REXO2: variants seen among roughly 807,000 people sequenced by gnomAD.
REXO2 encodes the protein oligoribonuclease, mitochondrial.
Under a neutral mutation model 30.9 loss-of-function variants are expected in REXO2, and 17 were observed. The observed-to-expected ratio is 0.55, with a 90% CI of 0.38 to 0.82. The LOEUF is 0.82. Among genes scored for constraint, REXO2 ranks in the 40% least tolerant of loss-of-function variants. The pLI is 0.00. For synonymous variants in REXO2, 105 were observed against 99.6 expected (o/e 1.05, Z -0.32); for missense variants, 253 against 293.2 (o/e 0.86, Z 1.00).
At chr11:114,440,136 A>G (rs969979233) in intron 1 of REXO2, 11 of 463,656 alleles carry the variant, frequency 2.4e-5, no homozygotes, top group Middle Eastern at 3.2e-4. Flanking sequence ...AAAGGATTCA[A>G]CTCATTCAAG....
chr11:114,449,700 A>T lies in REXO2; in HGVS notation c.585-146A>T, dbSNP rs1353105158. On this transcript the variant is annotated intron_variant, in intron 6 of 6. Coordinates refer to ENST00000265881, the MANE Select transcript of REXO2 (RefSeq NM_015523.4). Reference sequence around the variant, plus strand: ...GCATTTAAAGAAAATTGCTTTTCTGAAATGTTCTACTTTTGATGATGCTAG... The same window carrying T: ...GCATTTAAAGAAAATTGCTTTTCTGTAATGTTCTACTTTTGATGATGCTAG... 3 of 701,740 alleles carry T rather than the reference A, an allele frequency of 4.3e-6. No individual in the cohort carries two copies. The African/African-American group carries it at 5.6e-5, about 13-fold the overall frequency. 43.5% of individuals were successfully genotyped at this position (701,740 alleles called of 1,614,324 possible). A position where few individuals can be genotyped will look rare whatever the true frequency, so the allele number is the denominator to read the frequency against.
intron 2 of REXO2, among the ~76,000 whole-genome samples, chr11:114,443,606 T>C (rs1946494170): frequency 6.6e-6 from 1 of 152,180 alleles, no homozygotes; most frequent in Non-Finnish European, 1.5e-5. Flanking sequence ...GGGGCCATAG[T>C]TTGCTGACCC....
chr11:114,439,837 T>G, intron 1 of REXO2, 162 bp downstream of exon 1: 1 of 813,580 alleles, frequency 1.2e-6, no homozygotes, highest in Non-Finnish European at 1.8e-6. Flanking sequence ...GAGGCAGGAG[T>G]CCTGCGGGTG....
Position 114,439,871 on chromosome 11 carries a change from G to A in REXO2, c.147+196G>A, listed in dbSNP as rs945172449. On this transcript the variant is annotated intron_variant, in intron 1 of 6. Transcript: ENST00000265881. The stretch of plus-strand genomic sequence containing the variant: ...TGTTGGGCGCCGTGCTGCGCTGTAG[G>A]GCTTCTTTCCACAAGGGAGGAGTCC... The A allele has an allele frequency of 2.1e-5, 13 of 632,370 alleles. No individual in the cohort carries two copies. In the Admixed American group the frequency reaches 3.2e-4, roughly 16 times the overall value. 39.2% of individuals were successfully genotyped at this position (632,370 alleles called of 1,614,324 possible).
chr11:114,447,153 C>T (rs887541947), intron 5 of REXO2, among the ~76,000 whole-genome samples: 11 of 152,040 alleles, frequency 7.2e-5, no homozygotes, highest in Non-Finnish European at 1.3e-4. Context: ...GTCTCGATCT[C>T]CTGACCTCGT....
chr11:114,445,840 T>C (rs1255881202), intron 4 of REXO2, 139 bp from the exon 5 acceptor site: 2 of 610,100 alleles, frequency 3.3e-6, no homozygotes, highest in East Asian at 5.4e-5. Flanking sequence ...CCAAACCTGA[T>C]TTAGAAATAT....
Position 114,444,569 on chromosome 11 carries a change from G to T in REXO2, c.338G>T (p.Ser113Ile), listed in dbSNP as rs1946500956. The T allele has an allele frequency of 1.2e-6, 2 of 1,612,564 alleles. No individual in the cohort carries two copies. The highest frequency in any genetic ancestry group is 4.5e-5 in the East Asian group (2 of 44,880). ...KSGLTKAVKESTITLQQAEYE... is the reference protein window; with the variant it reads ...KSGLTKAVKEITITLQQAEYE... ...GGCCTTACCAAGGCAGTGAAGGAGA[G>T]TACAATTACATTGCAGCAGGCAGAG... The change falls in exon 4 of 7, where the codon AGT becomes ATT. Residue 113 changes from serine (S) to isoleucine (I), a missense_variant. Coordinates refer to ENST00000265881, the MANE Select transcript of REXO2 (RefSeq NM_015523.4).
chr11:114,439,602 G>C lies in REXO2; in HGVS notation c.74G>C (p.Gly25Ala). The change falls in exon 1 of 7, where the codon GGT becomes GCT. Residue 25 changes from glycine (G) to alanine (A), a missense_variant. By Grantham distance (60) the Gly-to-Ala change is moderately conservative. Transcript: ENST00000265881. ...GGSHGRFGAR[G>A]VREGGAAMAA... Reference sequence around the variant, plus strand: ...AGTCACGGACGGTTCGGGGCCCGAGGTGTCCGCGAAGGTGGCGCAGCCATG... The same window carrying C: ...AGTCACGGACGGTTCGGGGCCCGAGCTGTCCGCGAAGGTGGCGCAGCCATG... 4 of 1,607,668 alleles carry C rather than the reference G, an allele frequency of 2.5e-6. No individual in the cohort carries two copies. The highest frequency in any genetic ancestry group is 3.4e-6 in the Non-Finnish European group (4 of 1,178,406).
At chr11:114,449,550 A>C (rs923035917) in intron 6 of REXO2, among the ~76,000 whole-genome samples, 1 of 152,078 alleles carries the variant, frequency 6.6e-6, no homozygotes, top group Non-Finnish European at 1.5e-5. Flanking sequence ...GTTTTTCTAA[A>C]CTTATTTGAC....
chr11:114,441,778 G>A, intron 2 of REXO2: 2 of 702,260 alleles, frequency 2.8e-6, no homozygotes, highest in Non-Finnish European at 5.2e-6. Context: ...CTAGATTAAT[G>A]ACTGCGTTTG....
intron 6 of REXO2, 115 bp downstream of exon 6, chr11:114,447,994 C>A: frequency 2.6e-6 from 2 of 769,904 alleles, no homozygotes; most frequent in Non-Finnish European, 4.3e-6. Flanking sequence ...AGATAAAGTT[C>A]AACTAGCATA....
rs936386376 is a variant in REXO2 at position 114,441,764 on chromosome 11, A to G, written c.231+1025A>G. Reference sequence around the variant, plus strand: ...GTGTAGGTAAAAGAGGTGAGGACGTATTTCTAGATTAATGACTGCGTTTGT... The same window carrying G: ...GTGTAGGTAAAAGAGGTGAGGACGTGTTTCTAGATTAATGACTGCGTTTGT... On this transcript the variant is annotated intron_variant, in intron 2 of 6. Coordinates refer to ENST00000265881, the MANE Select transcript of REXO2 (RefSeq NM_015523.4). 3.3e-5 allele frequency: 23 copies of G among 702,146 alleles called. 1 individual carries two copies. The highest frequency in any genetic ancestry group is 2.6e-4 in the African/African-American group (15 of 57,246). 43.5% of individuals were successfully genotyped at this position (702,146 alleles called of 1,614,324 possible). A position where few individuals can be genotyped will look rare whatever the true frequency, so the allele number is the denominator to read the frequency against.
At chr11:114,440,830 G>A in intron 2 of REXO2, 91 bp downstream of exon 2, 1 of 1,023,008 alleles carries the variant, frequency 9.8e-7, no homozygotes, top group Non-Finnish European at 1.5e-6. Flanking sequence ...TAAAAAATAA[G>A]AAAGTTGAGG....
intron 2 of REXO2, chr11:114,441,910 G>A (rs1946481189): frequency 1.7e-6 from 1 of 583,854 alleles, no homozygotes; most frequent in Non-Finnish European, 3.0e-6. Context: ...AGATTTGGTT[G>A]TTTTTTTCTG....
At chr11:114,448,049 G>T (rs1946520012) in intron 6 of REXO2, among the ~76,000 whole-genome samples, 170 bp downstream of exon 6, 1 of 152,142 alleles carries the variant, frequency 6.6e-6, no homozygotes, top group Admixed American at 6.5e-5. Flanking sequence ...CAGGATTCCA[G>T]TGTTCCATTC....
At chr11:114,448,039 C>T (rs1946519981) in intron 6 of REXO2, among the ~76,000 whole-genome samples, 160 bp downstream of exon 6, 1 of 152,106 alleles carries the variant, frequency 6.6e-6, no homozygotes. Flanking sequence ...GAATTCTGGT[C>T]AGGATTCCAG....
At chr11:114,439,700 G>C (rs1946461710) in intron 1 of REXO2, 25 bp downstream of exon 1, 2 of 1,466,984 alleles carry the variant, frequency 1.4e-6, no homozygotes, top group Non-Finnish European at 1.8e-6. Context: ...CGGGGGGCTT[G>C]GGGAGGCGAG....
At chr11:114,445,389 A>G (rs1408820621) in intron 4 of REXO2, 1 of 152,402 alleles carries the variant, frequency 6.6e-6, no homozygotes, top group Non-Finnish European at 1.5e-5. Context: ...TGTGGTAGCT[A>G]ATACTGTTCT....
In REXO2 at chr11:114,443,344, C is replaced by T. The variant is rs1012351903; in HGVS notation, c.232-512C>T. Among the ~76,000 whole-genome samples, 15 of 150,994 alleles carry T rather than the reference C, an allele frequency of 9.9e-5. No homozygotes were observed. In the East Asian group the frequency reaches 2.5e-3, roughly 25 times the overall value. ...TGTTGCCTGGACTGGTCTTGAACTA[C>T]TGGCCTCAAGTGATCCTCCCACCTC... On this transcript the variant is annotated intron_variant, in intron 2 of 6. Coordinates refer to ENST00000265881, the MANE Select transcript of REXO2 (RefSeq NM_015523.4).
Sources: allele counts gnomAD v4.1 joint callset (sites outside exome capture counted in the v4.1 genomes callset), GRCh38; gene constraint gnomAD v4.1.1; transcripts MANE v1.5; gene names NCBI Gene and HGNC (gene_info 2026-07-23, HGNC 2026-07-21).